The following AGO3 variants were observed in gnomAD, a reference collection of about 807,000 sequenced individuals.
AGO3 encodes the protein argonaute RISC catalytic component 3, also known as protein argonaute-3.
A neutral mutation model predicts 105.5 loss-of-function variants in AGO3; 16 were observed. The observed-to-expected ratio is 0.15, with a 90% confidence interval of 0.10 to 0.23. The LOEUF is 0.23. AGO3 is among the 10% of genes least tolerant of loss of function. The pLI is 1.00. For synonymous variants in AGO3, 340 were observed against 367.3 expected (o/e 0.93, Z 0.85); for missense variants, 534 against 1,088.0 (o/e 0.49, Z 7.16).
Position 36,059,405 on chromosome 1 carries a change from AAG to A in AGO3, c.*3661_*3662del, listed in dbSNP as rs1188445671. On this transcript the variant is annotated 3_prime_UTR_variant, in exon 19 of 19. Transcript: ENST00000373191. ...ATTTCTAATCTTTTTTATTTTAAAA[AAG>A]TTTTTTTTTTTAAGTTAAACATGAA... 6.6e-6 allele frequency: 1 copy of A among 151,790 alleles called. No individual in the cohort carries two copies. Among genetic ancestry groups the A allele is most frequent in the Non-Finnish European group, 1.5e-5 (1 of 67,942 alleles). 9.4% of individuals were successfully genotyped at this position (151,790 alleles called of 1,614,324 possible).
chr1:35,997,004 G>C (rs530484951), intron 5 of AGO3, among the ~76,000 whole-genome samples: 1 of 152,254 alleles, frequency 6.6e-6, no homozygotes, highest in African/African-American at 2.4e-5. Flanking sequence ...GCGGCCAGAC[G>C]CAGTGGCTCT....
At chr1:36,018,367 T>G (rs779079717) in intron 11 of AGO3, among the ~76,000 whole-genome samples, 2 of 152,084 alleles carry the variant, frequency 1.3e-5, no homozygotes, top group Non-Finnish European at 2.9e-5. Flanking sequence ...CCATTAAAAT[T>G]TCTCACCCAC....
intron 5 of AGO3, among the ~76,000 whole-genome samples, chr1:35,974,457 T>C (rs989607158): frequency 2.0e-5 from 3 of 152,328 alleles, no homozygotes; most frequent in South Asian, 2.1e-4. Flanking sequence ...TCTTGTGTTA[T>C]TACCTTGTTC....
At chr1:36,005,315 A>G (rs989570340) in intron 6 of AGO3, among the ~76,000 whole-genome samples, 6 of 152,170 alleles carry the variant, frequency 3.9e-5, no homozygotes, top group African/African-American at 1.4e-4. Flanking sequence ...CAGTTCCCCC[A>G]AATCAATTAG....
At chr1:35,981,631 T>G (rs72661640) in intron 5 of AGO3, among the ~76,000 whole-genome samples, 7,307 of 152,254 alleles carry the variant, frequency 0.048, 263 homozygotes, top group South Asian at 0.083. Flanking sequence ...TTTCTGTAAG[T>G]TCGAAACTAC....
intron 5 of AGO3, among the ~76,000 whole-genome samples, chr1:35,994,042 ATTTT>A (rs759085356): frequency 7.6e-5 from 5 of 65,838 alleles, no homozygotes; most frequent in Admixed American, 2.3e-4. Context: ...CTGCGCCCAG[ATTTT>A]TTTTTTTTTT....
Position 36,036,248 on chromosome 1 carries a change from A to G in AGO3, c.1823A>G (p.Lys608Arg). The change falls in exon 14 of 19, where the codon AAG becomes AGG. Residue 608 changes from lysine (K) to arginine (R), a missense_variant. By Grantham distance (26) the Lys-to-Arg change is conservative (BLOSUM62 2). Coordinates refer to ENST00000373191, the MANE Select transcript of AGO3 (RefSeq NM_024852.4). ...DVTHPPAGDGKKPSIAAVVGS... is the reference protein window; with the variant it reads ...DVTHPPAGDGRKPSIAAVVGS... Reference sequence around the variant, plus strand: ...ACTCATCCACCTGCTGGTGATGGAAAGAAGCCTTCTATTGCTGCTGTGAGT... The same window carrying G: ...ACTCATCCACCTGCTGGTGATGGAAGGAAGCCTTCTATTGCTGCTGTGAGT... 6.2e-7 allele frequency: 1 copy of G among 1,614,138 alleles called. No homozygotes were observed. Among genetic ancestry groups the G allele is most frequent in the Non-Finnish European group, 8.5e-7 (1 of 1,179,974 alleles).
rs1643010500 is a variant in AGO3 at position 36,059,985 on chromosome 1, C to T, written c.*4240C>T. The stretch of plus-strand genomic sequence containing the variant: ...GAAATATTAGATTCCCTTTCTTTTT[C>T]TTAATAGTGATCTTCTAACAAGTTT... On this transcript the variant is annotated 3_prime_UTR_variant, in exon 19 of 19. Transcript: ENST00000373191. 1 of 152,072 alleles carries T rather than the reference C, an allele frequency of 6.6e-6. No homozygotes were observed. Among genetic ancestry groups the T allele is most frequent in the Non-Finnish European group, 1.5e-5 (1 of 67,994 alleles). 9.4% of individuals were successfully genotyped at this position (152,072 alleles called of 1,614,324 possible). A position where few individuals can be genotyped will look rare whatever the true frequency, so the allele number is the denominator to read the frequency against.
intron 5 of AGO3, among the ~76,000 whole-genome samples, chr1:35,980,148 G>A (rs1464110256): frequency 6.6e-6 from 1 of 151,922 alleles, no homozygotes; most frequent in Non-Finnish European, 1.5e-5. Flanking sequence ...GCAGTCTTTT[G>A]TTTCCCTTAA....
chr1:35,955,464 A>G (rs184959319), intron 2 of AGO3, among the ~76,000 whole-genome samples: 10 of 152,374 alleles, frequency 6.6e-5, no homozygotes, highest in African/African-American at 1.7e-4. Flanking sequence ...ATTTAAAAAT[A>G]CATTTAAATA....
intron 1 of AGO3, among the ~76,000 whole-genome samples, chr1:35,933,577 G>T (rs906811793): frequency 1.5e-5 from 2 of 130,784 alleles, no homozygotes; most frequent in Admixed American, 1.8e-4. Flanking sequence ...AGAAGGCAGA[G>T]ATTGCAGTGA....
At chr1:36,037,413 C>T (rs546558218) in intron 14 of AGO3, among the ~76,000 whole-genome samples, 5 of 151,892 alleles carry the variant, frequency 3.3e-5, no homozygotes, top group East Asian at 3.9e-4. Flanking sequence ...TCCAGCTATT[C>T]GGGAGGCTGA....
In AGO3 at chr1:36,000,856, T is replaced by A. The variant is rs1002431154; in HGVS notation, c.659-3485T>A. Among the ~76,000 whole-genome samples the A allele has an allele frequency of 2.2e-3, 327 of 152,062 alleles. 3 individuals are homozygous for A. The highest frequency in any genetic ancestry group is 7.4e-3 in the African/African-American group (306 of 41,524). The stretch of plus-strand genomic sequence containing the variant: ...ATCTTAACAGTCTCTCTTTTTTTTT[T>A]AATTAGTTAGAAACTGGAAATATTT... On this transcript the variant is annotated intron_variant, in intron 5 of 18. Coordinates refer to ENST00000373191, the MANE Select transcript of AGO3 (RefSeq NM_024852.4).
At chr1:35,938,072 C>T (rs1161433046) in intron 1 of AGO3, among the ~76,000 whole-genome samples, 1 of 151,488 alleles carries the variant, frequency 6.6e-6, no homozygotes, top group African/African-American at 2.4e-5. Flanking sequence ...CCTCCGCCTC[C>T]TGGGCTCAAG....
At chr1:35,952,131 TCTTTCTTTCTTTCTTTC>T (rs1646482211) in intron 2 of AGO3, among the ~76,000 whole-genome samples, 2 of 113,748 alleles carry the variant, frequency 1.8e-5, no homozygotes, top group African/African-American at 4.2e-5. Flanking sequence ...TTTCTTTCTT[TCTTTCTTTCTTTCTTTC>T]TTTTTTTTTT....
At chr1:36,013,839 G>T (rs1640743190) in intron 10 of AGO3, 76 bp from the exon 11 acceptor site, 1 of 1,600,458 alleles carries the variant, frequency 6.2e-7, no homozygotes, top group South Asian at 1.1e-5. Flanking sequence ...TCAATTCAGC[G>T]ATTTGAAATG....
upstream of AGO3, chr1:35,930,959 C>T (rs984654505): frequency 2.5e-5 from 8 of 315,506 alleles, no homozygotes; most frequent in Non-Finnish European, 4.0e-5. Flanking sequence ...GGCCCGGCTC[C>T]CGGACACCTC....
chr1:35,967,058 C>G lies in AGO3; in HGVS notation c.295C>G (p.Pro99Ala). Reference protein sequence around the residue: ...KRSLYTANPLPVATTGVDLDV... With the variant: ...KRSLYTANPLAVATTGVDLDV... ...AAGTCTTTACACCGCCAATCCACTT[C>G]CTGTGGCAACTACAGGGGTAAGATA... is the stretch of plus-strand genomic sequence containing the variant. Residue 99 changes from proline (P) to alanine (A), a missense_variant, in exon 3 of 19, where the codon CCT (proline) becomes GCT (alanine). Pro to Ala is a conservative substitution (Grantham distance 27). Coordinates refer to ENST00000373191, the MANE Select transcript of AGO3 (RefSeq NM_024852.4). The G allele has an allele frequency of 6.2e-7, 1 of 1,613,282 alleles. No homozygotes were observed. The highest frequency in any genetic ancestry group is 1.1e-5 in the South Asian group (1 of 90,916).
chr1:36,004,132 G>T, intron 5 of AGO3: 1 of 435,578 alleles, frequency 2.3e-6, no homozygotes, highest in South Asian at 5.4e-5. Flanking sequence ...CGATGAAAGA[G>T]ATAGATTATA....
Sources: allele counts gnomAD v4.1 joint callset (sites outside exome capture counted in the v4.1 genomes callset), GRCh38; gene constraint gnomAD v4.1.1; transcripts MANE v1.5; gene names NCBI Gene and HGNC (gene_info 2026-07-23, HGNC 2026-07-21).